The following NPSR1 variants were observed in gnomAD, a reference collection of about 807,000 sequenced individuals.
NPSR1 encodes neuropeptide S receptor 1, also known as neuropeptide S receptor.
In NPSR1, 48 loss-of-function variants were observed where a neutral mutation model predicts 46.9. The observed-to-expected ratio is 1.02, with a 90% confidence interval of 0.81 to 1.30. The LOEUF is 1.30. Ranked by LOEUF, NPSR1 falls within the 50% of genes most tolerant of loss-of-function variation. The pLI is 0.00. For missense variants in NPSR1, 450 were observed against 449.5 expected, an observed-to-expected ratio of 1.00 and a Z score of -0.01; for synonymous variants, 176 against 168.1, an observed-to-expected ratio of 1.05 and a Z score of -0.36.
intron 8 of NPSR1, among the ~76,000 whole-genome samples, chr7:34,860,080 A>AT (rs34489288): frequency 0.28 from 42,190 of 151,584 alleles, 6,472 homozygotes; most frequent in Middle Eastern, 0.35. Context: ...ATTTAAATGC[A>AT]TTTTTTTCAC....
chr7:34,807,365 TTTTG>T (rs1300846404), intron 3 of NPSR1, among the ~76,000 whole-genome samples: 4 of 152,180 alleles, frequency 2.6e-5, no homozygotes, highest in African/African-American at 4.8e-5. Context: ...ATCTGTATAT[TTTTG>T]TTTATTCTTC....
chr7:34,696,184 A>G (rs1424384092), intron 2 of NPSR1, among the ~76,000 whole-genome samples: 2 of 152,098 alleles, frequency 1.3e-5, no homozygotes, highest in Non-Finnish European at 2.9e-5. Context: ...ATAAAGCTAG[A>G]AGCCATTATA....
chr7:34,806,427 A>C (rs1343955653), intron 3 of NPSR1, among the ~76,000 whole-genome samples: 2 of 152,140 alleles, frequency 1.3e-5, no homozygotes, highest in Non-Finnish European at 2.9e-5. Flanking sequence ...AAAGCTACAT[A>C]CTAAATGATT....
At chr7:34,691,155 G>A (rs191752194) in intron 2 of NPSR1, among the ~76,000 whole-genome samples, 46 of 152,228 alleles carry the variant, frequency 3.0e-4, no homozygotes, top group African/African-American at 1.1e-3. Context: ...AAGAAATCAA[G>A]TCTTAACCAG....
At chr7:34,815,600 C>G (rs1562750892) in intron 4 of NPSR1, among the ~76,000 whole-genome samples, 1 of 151,912 alleles carries the variant, frequency 6.6e-6, no homozygotes. Context: ...GAATAGCAAC[C>G]CCAAGACATG....
chr7:34,822,629 A>G (rs1284891249), intron 4 of NPSR1, among the ~76,000 whole-genome samples: 1 of 152,252 alleles, frequency 6.6e-6, no homozygotes, highest in Non-Finnish European at 1.5e-5. Context: ...AGAATAACAC[A>G]TATAAATCAT....
intron 3 of NPSR1, among the ~76,000 whole-genome samples, chr7:34,802,537 C>G (rs537419374): frequency 6.0e-5 from 9 of 150,238 alleles, no homozygotes; most frequent in Non-Finnish European, 1.2e-4. Context: ...AACTGGATCC[C>G]TTCCTTACAC....
intron 1 of NPSR1, among the ~76,000 whole-genome samples, chr7:34,668,744 G>C (rs1252185205): frequency 6.6e-6 from 1 of 152,192 alleles, no homozygotes; most frequent in African/African-American, 2.4e-5. Context: ...ACTGAAGTCA[G>C]AAGAGCAAGA....
chr7:34,667,976 C>A (rs1204175937), intron 1 of NPSR1, among the ~76,000 whole-genome samples: 1 of 151,856 alleles, frequency 6.6e-6, no homozygotes, highest in African/African-American at 2.4e-5. Context: ...TTCTTATAAC[C>A]CCCCTAACAT....
At chr7:34,682,067 T>G (rs561052060) in intron 1 of NPSR1, among the ~76,000 whole-genome samples, 8 of 152,320 alleles carry the variant, frequency 5.3e-5, no homozygotes, top group Non-Finnish European at 1.2e-4. Context: ...GAGAAGCACT[T>G]TCCAAAGGCC....
chr7:34,696,086 A>AAC (rs1184419742), intron 2 of NPSR1, among the ~76,000 whole-genome samples: 1 of 151,686 alleles, frequency 6.6e-6, no homozygotes, highest in Non-Finnish European at 1.5e-5. Flanking sequence ...GATAAAAAAA[A>AAC]AAAAAAAAAA....
intron 1 of NPSR1, among the ~76,000 whole-genome samples, chr7:34,678,215 ATTC>A (rs367613182): frequency 2.1e-5 from 3 of 142,218 alleles, no homozygotes; most frequent in African/African-American, 7.9e-5. Context: ...AGGCTTTGCA[ATTC>A]TTTTTTTTTT....
At chr7:34,835,068 C>T (rs1291980169) in intron 6 of NPSR1, among the ~76,000 whole-genome samples, 1 of 152,210 alleles carries the variant, frequency 6.6e-6, no homozygotes, top group Non-Finnish European at 1.5e-5. Flanking sequence ...TGGAAGCCTA[C>T]CCTGCTTCCC....
At chr7:34,787,265 A>T (rs1787506473) in intron 3 of NPSR1, among the ~76,000 whole-genome samples, 1 of 152,144 alleles carries the variant, frequency 6.6e-6, no homozygotes, top group South Asian at 2.1e-4. Flanking sequence ...AAACCTCATG[A>T]AACAAACTAT....
rs564144815 is a variant in NPSR1, at chr7:34,724,595, C to T, written c.280+39911C>T. The stretch of plus-strand genomic sequence containing the variant: ...CTCCTCATGTGCTTTTGGGACTATG[C>T]TTTGAGAATCTCTGGAGTGGAGTAT... On this transcript the variant is annotated intron_variant, in intron 2 of 8. Transcript: ENST00000360581. 2.6e-5 allele frequency among the ~76,000 whole-genome samples: 4 copies of T among 152,274 alleles called. No individual in the cohort carries two copies. The East Asian group carries it at 5.8e-4, about 22-fold the overall frequency.
intron 2 of NPSR1, among the ~76,000 whole-genome samples, chr7:34,777,802 A>G (rs1317347515): frequency 6.6e-6 from 1 of 152,194 alleles, no homozygotes; most frequent in East Asian, 1.9e-4. Flanking sequence ...ACATCTGCAC[A>G]GCTTGTACAA....
intron 3 of NPSR1, among the ~76,000 whole-genome samples, chr7:34,780,610 TG>T (rs1485612650): frequency 1.3e-5 from 2 of 152,090 alleles, no homozygotes; most frequent in African/African-American, 2.4e-5. Context: ...GTGAGAAAAA[TG>T]AGCTTTGCGG....
chr7:34,695,395 A>T (rs323905), intron 2 of NPSR1, among the ~76,000 whole-genome samples: 20,645 of 152,084 alleles, frequency 0.14, 1,569 homozygotes, highest in African/African-American at 0.2. Flanking sequence ...TGGACATTAG[A>T]CTAGGCAAAG....
downstream of NPSR1, among the ~76,000 whole-genome samples, chr7:34,850,205 G>T (rs937883747): frequency 6.6e-6 from 1 of 152,198 alleles, no homozygotes; most frequent in African/African-American, 2.4e-5. Context: ...AGATGGGTGT[G>T]CTGGCAGCAG....
Sources: allele counts gnomAD v4.1 joint callset (sites outside exome capture counted in the v4.1 genomes callset), GRCh38; gene constraint gnomAD v4.1.1; transcripts MANE v1.5; gene names NCBI Gene and HGNC (gene_info 2026-07-23, HGNC 2026-07-21).